Variants in CAMTA1 observed in about 807,000 individuals in gnomAD.
The protein encoded by CAMTA1 is calmodulin-binding transcription activator 1.
A neutral mutation model predicts 170.9 loss-of-function variants in CAMTA1; 27 were observed. That is an observed-to-expected ratio of 0.16 (90% confidence interval 0.12 to 0.22). The LOEUF (loss-of-function observed/expected upper bound fraction) is 0.22, where lower values mean the gene tolerates loss of function less well. Among genes scored for constraint, CAMTA1 ranks in the 10% least tolerant of loss-of-function variants. CAMTA1 has a pLI of 1.00. For missense variants in CAMTA1, 1,619 were observed against 2,217.2 expected (o/e 0.73, Z 5.42); for synonymous variants, 833 against 891.5 (o/e 0.93, Z 1.17).
chr1:7,713,709 G>C (rs959580729), intron 11 of CAMTA1, among the ~76,000 whole-genome samples: 2 of 152,144 alleles, frequency 1.3e-5, no homozygotes, highest in African/African-American at 2.4e-5. Flanking sequence ...ATAGTTCTGA[G>C]GCCGTGGCAT....
At chr1:7,468,106 G>T (rs554275962) in intron 6 of CAMTA1, among the ~76,000 whole-genome samples, 1 of 152,350 alleles carries the variant, frequency 6.6e-6, no homozygotes, top group Admixed American at 6.5e-5. Flanking sequence ...AGGGGAGAAG[G>T]CCTGGTGGCA....
chr1:7,453,834 G>A lies in CAMTA1; in HGVS notation c.439-13996G>A, dbSNP rs1348723619. Among the ~76,000 whole-genome samples, 4 of 152,234 alleles carry A rather than the reference G, an allele frequency of 2.6e-5. No homozygotes were observed. The East Asian group carries it at 7.7e-4, about 29-fold the overall frequency. Reference sequence around the variant, plus strand: ...GGACGGTGGGGTTCCCACTTTCCTTGGAGCTGCTGTGGAGTCTTTGCTCAC... The same window carrying A: ...GGACGGTGGGGTTCCCACTTTCCTTAGAGCTGCTGTGGAGTCTTTGCTCAC... On this transcript the variant is annotated intron_variant, in intron 5 of 22. Transcript: ENST00000303635.
intron 11 of CAMTA1, among the ~76,000 whole-genome samples, chr1:7,690,834 A>G (rs1265958187): frequency 6.6e-6 from 1 of 152,102 alleles, no homozygotes; most frequent in Non-Finnish European, 1.5e-5. Context: ...TCCGCTCTTG[A>G]CCTCTATGCC....
At position 7,745,287 on chromosome 1, in the gene CAMTA1, G is replaced by A. The variant is rs184425968; in HGVS notation, c.4370+265G>A. ...ATGCCTGTAATCCCAGCACTTTTGG[G>A]AGGCCAAGGCGGGTGGATCACCTGA... On this transcript the variant is annotated intron_variant, in intron 17 of 22. Transcript: ENST00000303635. Among the ~76,000 whole-genome samples the A allele has an allele frequency of 3.9e-5, 6 of 152,208 alleles. 1 individual carries two copies. In the East Asian group the frequency reaches 1.2e-3, roughly 29 times the overall value.
chr1:7,017,800 T>G (rs552109819), intron 3 of CAMTA1, among the ~76,000 whole-genome samples: 2 of 152,298 alleles, frequency 1.3e-5, no homozygotes, highest in Admixed American at 1.3e-4. Flanking sequence ...CCTGCCTGTT[T>G]TCTCATACAC....
chr1:7,306,937 T>A (rs1291520102), intron 5 of CAMTA1, among the ~76,000 whole-genome samples: 6 of 151,920 alleles, frequency 3.9e-5, no homozygotes, highest in Admixed American at 3.9e-4. Context: ...TTATAAGCAA[T>A]CTAGAGATGA....
Position 7,123,065 on chromosome 1 carries a change from A to G in CAMTA1, c.302+31694A>G, listed in dbSNP as rs529528292. Among the ~76,000 whole-genome samples the G allele has an allele frequency of 1.1e-3, 172 of 152,278 alleles. 1 individual carries two copies. The highest frequency in any genetic ancestry group is 2.0e-3 in the Non-Finnish European group (133 of 68,016). ...CTGCACACACGTGGGGCTCCGGGCC[A>G]TCTTGCCAGCCAGCATGATGGTTGG... On this transcript the variant is annotated intron_variant, in intron 4 of 22. Transcript: ENST00000303635.
intron 7 of CAMTA1, among the ~76,000 whole-genome samples, chr1:7,655,599 C>G (rs1472672617): frequency 2.1e-5 from 3 of 143,886 alleles, no homozygotes; most frequent in Admixed American, 6.9e-5. Context: ...CCCCTATACA[C>G]ACACCTATAC....
At chr1:6,952,959 G>A (rs1340948768) in intron 3 of CAMTA1, among the ~76,000 whole-genome samples, 1 of 152,224 alleles carries the variant, frequency 6.6e-6, no homozygotes, top group Non-Finnish European at 1.5e-5. Context: ...CACCGTGGTG[G>A]ACACTGGGTT....
chr1:7,098,579 G>A (rs973936697), intron 4 of CAMTA1, among the ~76,000 whole-genome samples: 6 of 152,178 alleles, frequency 3.9e-5, no homozygotes, highest in African/African-American at 1.2e-4. Flanking sequence ...GCGGTGTCTC[G>A]ACAGTGGTAG....
chr1:7,542,413 C>T (rs2094623960), intron 6 of CAMTA1, among the ~76,000 whole-genome samples: 1 of 152,064 alleles, frequency 6.6e-6, no homozygotes, highest in Admixed American at 6.6e-5. Flanking sequence ...CACTGTTTCT[C>T]AAAACATATT....
At chr1:7,560,870 A>T (rs1313766158) in intron 6 of CAMTA1, among the ~76,000 whole-genome samples, 2 of 152,148 alleles carry the variant, frequency 1.3e-5, no homozygotes, top group African/African-American at 4.8e-5. Flanking sequence ...GGGCAGGGAC[A>T]GGCAGGGCTG....
At chr1:7,492,814 CACAG>C (rs368107790) in intron 6 of CAMTA1, among the ~76,000 whole-genome samples, 10,071 of 147,634 alleles carry the variant, frequency 0.068, 483 homozygotes, top group South Asian at 0.14. Context: ...CACATGCGCG[CACAG>C]ACACACAAAC....
chr1:7,341,569 C>T (rs1458923439), intron 5 of CAMTA1, among the ~76,000 whole-genome samples: 1 of 152,228 alleles, frequency 6.6e-6, no homozygotes, highest in Non-Finnish European at 1.5e-5. Flanking sequence ...AGCTGGCTCC[C>T]CTGCAAATGA....
intron 4 of CAMTA1, among the ~76,000 whole-genome samples, chr1:7,243,034 T>G (rs1665164796): frequency 6.6e-6 from 1 of 152,178 alleles, no homozygotes; most frequent in Non-Finnish European, 1.5e-5. Flanking sequence ...CCTCCTTGAT[T>G]GTGTATACTG....
chr1:7,030,980 G>T (rs1035134794), intron 3 of CAMTA1, among the ~76,000 whole-genome samples: 1 of 149,480 alleles, frequency 6.7e-6, no homozygotes, highest in Non-Finnish European at 1.5e-5. Context: ...GACTACAGGC[G>T]CTCGCCACCA....
chr1:7,605,351 C>T (rs544928686), intron 6 of CAMTA1, among the ~76,000 whole-genome samples: 17 of 152,330 alleles, frequency 1.1e-4, no homozygotes, highest in South Asian at 6.2e-4. Context: ...GCTTCCCAGC[C>T]GCTTTATTTA....
chr1:7,165,932 G>A (rs983113620), intron 4 of CAMTA1, among the ~76,000 whole-genome samples: 2 of 152,090 alleles, frequency 1.3e-5, no homozygotes, highest in African/African-American at 4.8e-5. Flanking sequence ...TAGGTATTAT[G>A]TATCTTACAT....
At chr1:7,088,942 C>A (rs1641107041) in intron 3 of CAMTA1, among the ~76,000 whole-genome samples, 1 of 152,232 alleles carries the variant, frequency 6.6e-6, no homozygotes. Flanking sequence ...ACCAACAACT[C>A]TGAACGGTCA....
Sources: allele counts gnomAD v4.1 joint callset (sites outside exome capture counted in the v4.1 genomes callset), GRCh38; gene constraint gnomAD v4.1.1; transcripts MANE v1.5; gene names NCBI Gene and HGNC (gene_info 2026-07-23, HGNC 2026-07-21).